TOX3: variants seen among roughly 807,000 people sequenced by gnomAD.
TOX3 encodes the protein CAG trinucleotide repeat-containing gene F9 protein.
In TOX3, 22 loss-of-function variants were observed where a neutral mutation model predicts 64.3. That is an observed-to-expected ratio of 0.34 (90% CI 0.24 to 0.49). The LOEUF is 0.49. Among genes scored for constraint, TOX3 ranks in the 20% least tolerant of loss-of-function variants. TOX3 has a pLI of 0.99. For missense variants in TOX3, 661 were observed against 714.4 expected (o/e 0.93, Z 0.85); for synonymous variants, 291 against 273.6 (o/e 1.06, Z -0.63).
chr16:52,455,680 AG>A (rs1960493799), intron 3 of TOX3, among the ~76,000 whole-genome samples: 1 of 152,176 alleles, frequency 6.6e-6, no homozygotes, highest in South Asian at 2.1e-4. Flanking sequence ...ATAGTATTTG[AG>A]CTGATGCTGA....
At chr16:52,499,930 C>A (rs1210078705) in intron 1 of TOX3, among the ~76,000 whole-genome samples, 2 of 152,228 alleles carry the variant, frequency 1.3e-5, no homozygotes. Context: ...AAAACCATGA[C>A]AAGCACCAAT....
intron 1 of TOX3, among the ~76,000 whole-genome samples, chr16:52,481,100 A>G (rs1961358604): frequency 6.6e-6 from 1 of 152,212 alleles, no homozygotes; most frequent in South Asian, 2.1e-4. Flanking sequence ...TTAAACATAA[A>G]TTCGAGATGA....
chr16:52,477,797 T>A (rs1027340432), intron 1 of TOX3, among the ~76,000 whole-genome samples: 1 of 152,196 alleles, frequency 6.6e-6, no homozygotes, highest in Non-Finnish European at 1.5e-5. Context: ...TTTTGAGGAT[T>A]AAATGGGTAA....
At position 52,530,039 on chromosome 16, in the gene TOX3, G is replaced by T. The variant is rs1362548; in HGVS notation, c.87+16598C>A. Among the ~76,000 whole-genome samples, 671 of 152,092 alleles carry T rather than the reference G, an allele frequency of 4.4e-3. 15 individuals carry two copies. The East Asian group carries it at 0.059, about 13-fold the overall frequency. On this transcript the variant is annotated intron_variant, in intron 1 of 6. Coordinates refer to ENST00000219746, the MANE Select transcript of TOX3 (RefSeq NM_001080430.4). Reference sequence around the variant, plus strand: ...ATCTCTTATCAAATTAGGTTATCTGGATGAACGGAAGGAAGCAAGGCATCT... The same window carrying T: ...ATCTCTTATCAAATTAGGTTATCTGTATGAACGGAAGGAAGCAAGGCATCT...
intron 1 of TOX3, chr16:52,519,263 C>A: frequency 1.2e-6 from 1 of 803,714 alleles, no homozygotes; most frequent in African/African-American, 1.7e-5. Context: ...TGAATCTACA[C>A]CTCATTATTC....
chr16:52,465,005 C>CTTTTTTTTTTTTTTTTTTTTTT (rs1168498170), intron 2 of TOX3, among the ~76,000 whole-genome samples: 4 of 70,942 alleles, frequency 5.6e-5, no homozygotes, highest in East Asian at 4.4e-4. Context: ...TTAATGCATT[C>CTTTTTTTTTTTTTTTTTTTTTT]TTTTTTTTTT....
chr16:52,528,605 A>G (rs1962780193), intron 1 of TOX3, among the ~76,000 whole-genome samples: 1 of 152,146 alleles, frequency 6.6e-6, no homozygotes, highest in Non-Finnish European at 1.5e-5. Context: ...ACTGCTTCAT[A>G]TGTGGAGTCA....
At chr16:52,534,072 T>C (rs1962901314) in intron 1 of TOX3, among the ~76,000 whole-genome samples, 1 of 152,146 alleles carries the variant, frequency 6.6e-6, no homozygotes, top group Non-Finnish European at 1.5e-5. Flanking sequence ...TTGGTTTGAC[T>C]GGGACTGCAA....
chr16:52,509,858 T>C (rs1962255580), intron 1 of TOX3, among the ~76,000 whole-genome samples: 1 of 152,198 alleles, frequency 6.6e-6, no homozygotes, highest in Non-Finnish European at 1.5e-5. Context: ...TAATTAACCT[T>C]TAGATTTGAA....
At chr16:52,440,440 C>T (rs954126870) in intron 6 of TOX3, among the ~76,000 whole-genome samples, 1 of 152,230 alleles carries the variant, frequency 6.6e-6, no homozygotes, top group African/African-American at 2.4e-5. Flanking sequence ...AGTCAGCTAA[C>T]TGGCACTCTC....
chr16:52,446,204 T>C lies in TOX3; in HGVS notation c.696A>G (p.Arg232=), dbSNP rs1257927198. Reference sequence around the variant, plus strand: ...GCTTCTTGCCAGAGTCTGGAGCAGCTCTTTTCTCTCCAATGGCCTGCAAAG... The same window carrying C: ...GCTTCTTGCCAGAGTCTGGAGCAGCCCTTTTCTCTCCAATGGCCTGCAAAG... ...DEANRAIGEK[R]AAPDSGKKPK... Residue 232 remains arginine, a synonymous_variant, in exon 5 of 7, where the codon AGA becomes AGG. Coordinates refer to ENST00000219746, the MANE Select transcript of TOX3 (RefSeq NM_001080430.4). The C allele has an allele frequency of 6.2e-7, 1 of 1,613,480 alleles. No individual in the cohort carries two copies. Among genetic ancestry groups the C allele is most frequent in the Non-Finnish European group, 8.5e-7 (1 of 1,179,778 alleles).
At chr16:52,478,798 T>C (rs1361996858) in intron 1 of TOX3, among the ~76,000 whole-genome samples, 1 of 152,104 alleles carries the variant, frequency 6.6e-6, no homozygotes, top group Non-Finnish European at 1.5e-5. Context: ...TAGAACTATA[T>C]GGGACTGGGC....
intron 1 of TOX3, among the ~76,000 whole-genome samples, chr16:52,488,257 A>G (rs911259878): frequency 3.9e-5 from 6 of 152,148 alleles, no homozygotes; most frequent in African/African-American, 1.4e-4. Flanking sequence ...TGCTTTCATC[A>G]GTGTCCCGTG....
intron 1 of TOX3, among the ~76,000 whole-genome samples, chr16:52,485,048 T>C (rs899375662): frequency 1.8e-4 from 25 of 141,254 alleles, no homozygotes; most frequent in Admixed American, 9.0e-4. Flanking sequence ...TATATATATA[T>C]ATATACACAC....
intron 1 of TOX3, among the ~76,000 whole-genome samples, chr16:52,531,663 G>A (rs1033627073): frequency 5.9e-5 from 9 of 152,218 alleles, no homozygotes; most frequent in African/African-American, 2.2e-4. Flanking sequence ...AATAATAGCA[G>A]TGATAGGTAG....
intron 1 of TOX3, among the ~76,000 whole-genome samples, chr16:52,536,961 G>C (rs183906286): frequency 1.3e-5 from 2 of 151,334 alleles, no homozygotes; most frequent in Non-Finnish European, 2.9e-5. Context: ...TTATCACAAA[G>C]AAATAGTTAC....
At position 52,439,675 on chromosome 16, in the gene TOX3, T is replaced by C. The variant is rs1463011920; in HGVS notation, c.1281A>G (p.Ala427=). The change falls in exon 7 of 7, where the codon GCA becomes GCG. Residue 427 remains alanine, a synonymous_variant. Transcript: ENST00000219746. ...SSMGTTMVGS[A]PSTQVSPSVQ... ...CCGAAGGACTCACTTGGGTGGAGGGTGCTGAGCCAACCATGGTCGTTCCCA... is the reference window on the plus strand; with the variant it reads ...CCGAAGGACTCACTTGGGTGGAGGGCGCTGAGCCAACCATGGTCGTTCCCA... 26 of 1,613,790 alleles carry C rather than the reference T, an allele frequency of 1.6e-5. No individual in the cohort carries two copies. The highest frequency in any genetic ancestry group is 1.9e-5 in the Non-Finnish European group (23 of 1,179,770).
intron 1 of TOX3, among the ~76,000 whole-genome samples, chr16:52,545,519 T>A (rs1476927261): frequency 6.6e-6 from 1 of 152,240 alleles, no homozygotes; most frequent in Non-Finnish European, 1.5e-5. Context: ...CTGTTATTTA[T>A]TCATTAGTTT....
In TOX3 at chr16:52,450,497, A is replaced by G. The variant is rs945726657; in HGVS notation, c.458T>C (p.Ile153Thr). Residue 153 changes from isoleucine to threonine, a missense_variant, in exon 4 of 7, where the codon ATC becomes ACC. By Grantham distance (89) the Ile-to-Thr change is moderately conservative. Transcript: ENST00000219746. ...GGTCATGTGGACGATGGACCGCATG[A>G]TCAGGGAGGGATCCTGCCGGTACTG... ...VSQYRQDPSL[I>T]MRSIVHMTDA... is the part of the protein sequence containing the mutation. The G allele has an allele frequency of 1.2e-6, 2 of 1,614,024 alleles. No individual in the cohort carries two copies. The highest frequency in any genetic ancestry group is 3.3e-5 in the Admixed American group (2 of 60,026).
Sources: gnomAD v4.1 joint callset for allele counts (sites outside exome capture counted in the v4.1 genomes callset) on GRCh38, gnomAD v4.1.1 for gene constraint, MANE v1.5 for transcripts, NCBI Gene and HGNC (gene_info 2026-07-23, HGNC 2026-07-21) for gene names.